SDK1: variants seen among roughly 807,000 people sequenced by gnomAD.
SDK1 encodes protein sidekick-1.
In SDK1, 157 loss-of-function variants were observed where a neutral mutation model predicts 245.5. That is an observed-to-expected ratio of 0.64 (90% CI 0.56 to 0.73). The LOEUF (loss-of-function observed/expected upper bound fraction) is 0.73. Among genes scored for constraint, SDK1 ranks in the 30% least tolerant of loss-of-function variants. The probability of loss-of-function intolerance (pLI) is 0.00; values close to 1 mark genes in which losing one functional copy is unlikely to be tolerated. For missense variants in SDK1, 3,583 were observed against 3,002.3 expected (o/e 1.19, Z -4.52); for synonymous variants, 1,647 against 1,278.5 (o/e 1.29, Z -6.15).
At position 3,541,839 on chromosome 7, in the gene SDK1, G is replaced by A. The variant is rs186687539; in HGVS notation, c.299-77241G>A. Among the ~76,000 whole-genome samples the A allele has an allele frequency of 2.7e-3, 415 of 152,268 alleles. 5 individuals are homozygous for A. The highest frequency in any genetic ancestry group is 2.3e-3 in the Non-Finnish European group (157 of 68,012). On this transcript the variant is annotated intron_variant, in intron 1 of 44. Transcript: ENST00000404826. ...TGTTGAAGAACCATTAAGCTTAAGA[G>A]TATTAAGGAGCTAAATGCCCTCTTA...
intron 2 of SDK1, among the ~76,000 whole-genome samples, chr7:3,631,316 G>T (rs1326476610): frequency 2.0e-5 from 3 of 152,012 alleles, no homozygotes; most frequent in Non-Finnish European, 4.4e-5. Flanking sequence ...ATATTTAATT[G>T]AGAACTCTTT....
At chr7:3,492,990 G>A (rs1466605488) in intron 1 of SDK1, among the ~76,000 whole-genome samples, 4 of 151,660 alleles carry the variant, frequency 2.6e-5, no homozygotes, top group South Asian at 2.1e-4. Flanking sequence ...TTGCTCTCTC[G>A]CCCAGGCTGG....
intron 1 of SDK1, among the ~76,000 whole-genome samples, chr7:3,391,322 C>T (rs943931797): frequency 2.6e-5 from 4 of 152,160 alleles, no homozygotes; most frequent in African/African-American, 9.7e-5. Flanking sequence ...ATCAAGCACA[C>T]ATGACCTTGG....
At chr7:3,667,776 C>T (rs893438575) in intron 4 of SDK1, among the ~76,000 whole-genome samples, 3 of 152,144 alleles carry the variant, frequency 2.0e-5, no homozygotes, top group Admixed American at 2.0e-4. Flanking sequence ...CATATCAGTA[C>T]TTTGTTCTTC....
At chr7:3,723,729 C>A (rs1778899587) in intron 4 of SDK1, among the ~76,000 whole-genome samples, 1 of 150,012 alleles carries the variant, frequency 6.7e-6, no homozygotes, top group South Asian at 2.1e-4. Flanking sequence ...TATACACGTA[C>A]ATATACATAT....
chr7:3,993,206 G>A (rs1034660865), intron 14 of SDK1, among the ~76,000 whole-genome samples: 4 of 152,144 alleles, frequency 2.6e-5, no homozygotes, highest in East Asian at 3.9e-4. Flanking sequence ...CAGTTTCCAC[G>A]GCAACCTTGA....
intron 5 of SDK1, among the ~76,000 whole-genome samples, chr7:3,916,073 A>G (rs1348425047): frequency 2.6e-5 from 4 of 152,106 alleles, no homozygotes; most frequent in African/African-American, 9.7e-5. Flanking sequence ...AGTAGGATCT[A>G]TGGCCTGTGC....
chr7:4,132,493 A>C, intron 28 of SDK1, 70 bp downstream of exon 28: 1 of 1,127,160 alleles, frequency 8.9e-7, no homozygotes, highest in Non-Finnish European at 1.3e-6. Flanking sequence ...AGACCGAGGC[A>C]GGTGGTTTGC....
At chr7:3,666,561 G>T (rs147080580) in intron 4 of SDK1, among the ~76,000 whole-genome samples, 1 of 152,130 alleles carries the variant, frequency 6.6e-6, no homozygotes, top group Non-Finnish European at 1.5e-5. Context: ...CTTGTCTGCC[G>T]TGTGCTGCCA....
At chr7:3,840,792 T>A (rs1780137907) in intron 5 of SDK1, among the ~76,000 whole-genome samples, 1 of 152,188 alleles carries the variant, frequency 6.6e-6, no homozygotes, top group Non-Finnish European at 1.5e-5. Flanking sequence ...TCGCCTGACT[T>A]GGATTCACAT....
At chr7:3,425,582 T>TTA (rs1484250146) in intron 1 of SDK1, among the ~76,000 whole-genome samples, 5 of 152,178 alleles carry the variant, frequency 3.3e-5, no homozygotes, top group Admixed American at 3.3e-4. Context: ...GAAAACAAAT[T>TTA]TATATAGTGG....
intron 44 of SDK1, among the ~76,000 whole-genome samples, chr7:4,254,976 C>G (rs1001930399): frequency 1.3e-5 from 2 of 152,242 alleles, no homozygotes; most frequent in African/African-American, 4.8e-5. Context: ...TTAACCTCCA[C>G]TACGTGCTAG....
chr7:3,542,787 T>C (rs1037808942), intron 1 of SDK1, among the ~76,000 whole-genome samples: 1 of 152,184 alleles, frequency 6.6e-6, no homozygotes, highest in African/African-American at 2.4e-5. Flanking sequence ...TACAGAGCTC[T>C]AAAAAGGGCT....
chr7:3,728,255 C>G (rs980273266), intron 4 of SDK1, among the ~76,000 whole-genome samples: 1 of 152,220 alleles, frequency 6.6e-6, no homozygotes, highest in Non-Finnish European at 1.5e-5. Flanking sequence ...TGTTTTTGTA[C>G]TACTTCTACC....
intron 1 of SDK1, among the ~76,000 whole-genome samples, chr7:3,470,018 A>G (rs562969059): frequency 1.7e-3 from 257 of 152,272 alleles, no homozygotes; most frequent in African/African-American, 5.6e-3. Context: ...CAATGGCCAG[A>G]AGCAACTGCT....
chr7:3,471,288 C>G (rs1781173606), intron 1 of SDK1, among the ~76,000 whole-genome samples: 2 of 152,096 alleles, frequency 1.3e-5, no homozygotes, highest in Non-Finnish European at 2.9e-5. Flanking sequence ...ATAAGTGAGA[C>G]TAGTTGCTAA....
At chr7:4,073,902 A>C (rs1038670950) in intron 20 of SDK1, among the ~76,000 whole-genome samples, 5 of 152,170 alleles carry the variant, frequency 3.3e-5, no homozygotes, top group African/African-American at 1.2e-4. Context: ...CGGCCACAAC[A>C]AGCGATTTAT....
chr7:3,804,330 CATTGTTA>C (rs1188424214), intron 4 of SDK1, among the ~76,000 whole-genome samples: 1 of 152,078 alleles, frequency 6.6e-6, no homozygotes, highest in Non-Finnish European at 1.5e-5. Context: ...GCTTTGGTAC[CATTGTTA>C]AAAAGACTTC....
intron 1 of SDK1, among the ~76,000 whole-genome samples, chr7:3,351,567 G>C (rs919278532): frequency 3.3e-5 from 5 of 152,086 alleles, no homozygotes; most frequent in Admixed American, 2.0e-4. Context: ...TAAAAACAAA[G>C]ATACAGAAGG....
Sources: gnomAD v4.1 joint callset for allele counts (sites outside exome capture counted in the v4.1 genomes callset) on GRCh38, gnomAD v4.1.1 for gene constraint, MANE v1.5 for transcripts, NCBI Gene and HGNC (gene_info 2026-07-23, HGNC 2026-07-21) for gene names.